Variants in PASD1 observed in about 807,000 individuals in gnomAD.
PASD1 encodes circadian clock protein PASD1.
A neutral mutation model predicts 58.8 loss-of-function variants in PASD1; 13 were observed. That is an observed-to-expected ratio of 0.22 (90% confidence interval 0.14 to 0.35). The LOEUF (loss-of-function observed/expected upper bound fraction) is 0.35, where lower values mean the gene tolerates loss of function less well. Ranked by LOEUF, PASD1 falls within the 10% of genes least tolerant of loss-of-function variation. PASD1 has a pLI of 1.00. For missense variants in PASD1, 734 were observed against 568.3 expected, an observed-to-expected ratio of 1.29 and a Z score of -2.96; for synonymous variants, 236 against 216.7, an observed-to-expected ratio of 1.09 and a Z score of -0.78.
intron 1 of PASD1, among the ~76,000 whole-genome samples, chrX:151,581,227 C>CAAAAAAAACAAAAA (rs2013087033): frequency 3.2e-5 from 1 of 31,505 alleles, no homozygotes; most frequent in Non-Finnish European, 5.5e-5. Context: ...AGCTCTGTAT[C>CAAAAAAAACAAAAA]AAAAAAAAAA....
At chrX:151,662,019 G>C (rs2014318573) in intron 10 of PASD1, among the ~76,000 whole-genome samples, 1 of 112,188 alleles carries the variant, frequency 8.9e-6, no homozygotes, top group South Asian at 3.7e-4. Flanking sequence ...TCAAATATTT[G>C]AGGGGAGCTA....
At chrX:151,637,199 C>T (rs1272511379) in intron 8 of PASD1, among the ~76,000 whole-genome samples, 2 of 112,166 alleles carry the variant, frequency 1.8e-5, no homozygotes, top group African/African-American at 3.2e-5. Context: ...CCGTGATAAA[C>T]GTGTACAAGA....
At chrX:151,633,681 T>G (rs755928383) in intron 8 of PASD1, among the ~76,000 whole-genome samples, 2 of 111,909 alleles carry the variant, frequency 1.8e-5, no homozygotes, top group Non-Finnish European at 3.8e-5. Flanking sequence ...AACTATTAGA[T>G]TTGCAATTGA....
intron 1 of PASD1, among the ~76,000 whole-genome samples, chrX:151,567,095 A>C (rs1602896179): frequency 1.0e-5 from 1 of 99,228 alleles, no homozygotes; most frequent in Middle Eastern, 5.5e-3. Context: ...TAAATAAATA[A>C]AATAAAATAA....
rs1427365323 is a variant in PASD1 at position 151,660,415 on chromosome X, ACT to A, written c.841+582_841+583del. Among the ~76,000 whole-genome samples, 7 of 111,813 alleles carry A rather than the reference ACT, an allele frequency of 6.3e-5. No homozygotes were observed. The Admixed American group carries it at 6.6e-4, about 11-fold the overall frequency. ...TAAGCTCTATTTTAATTTTTATTTC[ACT>A]CTTTTTCAGTTTTTAAATCCAGTTT... On this transcript the variant is annotated intron_variant, in intron 10 of 15. Coordinates refer to ENST00000370357, the MANE Select transcript of PASD1 (RefSeq NM_173493.3).
chrX:151,671,017 A>G (rs1233520388), intron 11 of PASD1, 21 bp from the exon 12 acceptor site: 7 of 1,205,114 alleles, frequency 5.8e-6, no homozygotes, highest in Non-Finnish European at 6.7e-6. Context: ...TACATGAACC[A>G]TAAGTAATTC....
At chrX:151,573,755 T>A (rs764080402) in intron 1 of PASD1, among the ~76,000 whole-genome samples, 1 of 111,951 alleles carries the variant, frequency 8.9e-6, no homozygotes, top group East Asian at 2.8e-4. Context: ...AGAGTGAGTG[T>A]CTGGATAATA....
chrX:151,653,040 G>A (rs1000025950), intron 9 of PASD1, among the ~76,000 whole-genome samples: 1 of 110,065 alleles, frequency 9.1e-6, no homozygotes, highest in African/African-American at 3.3e-5. Context: ...TGGGAGGAAG[G>A]GCAGGAATGG....
chrX:151,592,297 C>T (rs932976826), intron 1 of PASD1, among the ~76,000 whole-genome samples: 2 of 112,209 alleles, frequency 1.8e-5, no homozygotes. Flanking sequence ...ACACAGACTT[C>T]GCATTGTCAC....
At chrX:151,564,320 G>C (rs1225771478) in intron 1 of PASD1, among the ~76,000 whole-genome samples, 5 of 112,133 alleles carry the variant, frequency 4.5e-5, no homozygotes, top group Non-Finnish European at 7.5e-5. Context: ...CGAGAGGTTT[G>C]CCTGGTTTTC....
chrX:151,676,197 G>A lies in PASD1; in HGVS notation c.*54G>A. 8.7e-7 allele frequency: 1 copy of A among 1,149,989 alleles called. No individual in the cohort carries two copies. Among genetic ancestry groups the A allele is most frequent in the African/African-American group, 1.8e-5 (1 of 56,630 alleles). The allele number at this position is 1,149,989 out of a possible 1,213,427, so 94.8% of individuals were successfully genotyped here. A position where few individuals can be genotyped will look rare whatever the true frequency, so the allele number is the denominator to read the frequency against. On this transcript the variant is annotated 3_prime_UTR_variant, in exon 16 of 16. Coordinates refer to ENST00000370357, the MANE Select transcript of PASD1 (RefSeq NM_173493.3). ...AAATGGGGGGAGGGGGCAGGCCAAT[G>A]AGGTCTGCATGGCCAGGGGACCTTC...
chrX:151,635,021 TAATTG>T (rs1412329162), intron 8 of PASD1, among the ~76,000 whole-genome samples: 2 of 111,858 alleles, frequency 1.8e-5, no homozygotes, highest in Non-Finnish European at 3.8e-5. Context: ...TCTGCCTCAT[TAATTG>T]AATCGTTATT....
rs1569417422 is a variant in PASD1, at chrX:151,671,738, A to C, written c.1396A>C (p.Asn466His). 1.7e-6 allele frequency: 2 copies of C among 1,210,085 alleles called. No individual in the cohort carries two copies. The highest frequency in any genetic ancestry group is 2.2e-6 in the Non-Finnish European group (2 of 894,027). The stretch of plus-strand genomic sequence containing the variant: ...TTTATCTTTATCCAACTCTCTCAAA[A>C]ACACTGGGGAGCTTCAGGAGCCTTG... ...CGLSLSNSLKNTGELQEPCVA... is the reference protein window; with the variant it reads ...CGLSLSNSLKHTGELQEPCVA... The change falls in exon 13 of 16, where the codon AAC (asparagine) becomes CAC (histidine). Residue 466 changes from asparagine (N) to histidine (H), a missense_variant. Asn to His is a moderately conservative substitution (Grantham distance 68). Coordinates refer to ENST00000370357, the MANE Select transcript of PASD1 (RefSeq NM_173493.3).
At chrX:151,625,325 T>G in intron 7 of PASD1, 123 bp from the exon 8 acceptor site, 1 of 456,349 alleles carries the variant, frequency 2.2e-6, no homozygotes, top group South Asian at 5.8e-5. Context: ...AGTGCATTTC[T>G]CACATTGATA....
chrX:151,572,499 T>C (rs2046675552), intron 1 of PASD1, among the ~76,000 whole-genome samples: 1 of 112,121 alleles, frequency 8.9e-6, no homozygotes, highest in African/African-American at 3.2e-5. Flanking sequence ...AAATACGGAC[T>C]GGGAGTGGCC....
At chrX:151,643,241 G>C (rs1245242040) in intron 8 of PASD1, among the ~76,000 whole-genome samples, 3 of 111,879 alleles carry the variant, frequency 2.7e-5, no homozygotes, top group Non-Finnish European at 1.9e-5. Flanking sequence ...TGGGAAGTTG[G>C]TATGCTTCCA....
At chrX:151,653,031 G>A (rs902977217) in intron 9 of PASD1, among the ~76,000 whole-genome samples, 1 of 110,085 alleles carries the variant, frequency 9.1e-6, no homozygotes, top group Non-Finnish European at 1.9e-5. Context: ...AATAGACTGT[G>A]GGAGGAAGGG....
intron 8 of PASD1, among the ~76,000 whole-genome samples, chrX:151,628,398 C>T (rs371678688): frequency 1.8e-5 from 2 of 111,980 alleles, no homozygotes; most frequent in East Asian, 2.8e-4. Context: ...TGTAAGGAAG[C>T]GATCCAGTTT....
chrX:151,592,802 T>C (rs2013267919), intron 1 of PASD1, among the ~76,000 whole-genome samples: 1 of 111,820 alleles, frequency 8.9e-6, no homozygotes, highest in African/African-American at 3.2e-5. Context: ...TTATTGAATG[T>C]TCCATATACA....
Sources: allele counts gnomAD v4.1 joint callset (sites outside exome capture counted in the v4.1 genomes callset), GRCh38; gene constraint gnomAD v4.1.1; transcripts MANE v1.5; gene names NCBI Gene and HGNC (gene_info 2026-07-23, HGNC 2026-07-21).